Variants in SYN3 observed in about 807,000 individuals in gnomAD.
SYN3 encodes synapsin-3.
Under a neutral mutation model 65.8 loss-of-function variants are expected in SYN3, and 35 were observed. That is an observed-to-expected ratio of 0.53 (90% CI 0.41 to 0.70). The LOEUF (loss-of-function observed/expected upper bound fraction) is 0.70. SYN3 is among the 30% of genes least tolerant of loss of function. The pLI is 0.00. For synonymous variants in SYN3, 270 were observed against 292.9 expected (o/e 0.92, Z 0.80); for missense variants, 680 against 749.0 (o/e 0.91, Z 1.08).
At chr22:32,857,279 G>A (rs781591808) in intron 6 of SYN3, 2 of 1,613,998 alleles carry the variant, frequency 1.2e-6, no homozygotes, top group East Asian at 4.5e-5. Context: ...GATGCCCCAT[G>A]TGCAGTACAT....
chr22:32,606,282 G>A (rs1261643645), intron 6 of SYN3, among the ~76,000 whole-genome samples: 1 of 152,204 alleles, frequency 6.6e-6, no homozygotes, highest in African/African-American at 2.4e-5. Flanking sequence ...TGACAGAAAT[G>A]GGGCAGCCCG....
At chr22:32,913,272 C>T (rs1601682088) in intron 4 of SYN3, among the ~76,000 whole-genome samples, 2 of 151,778 alleles carry the variant, frequency 1.3e-5, no homozygotes, top group South Asian at 2.1e-4. Flanking sequence ...ACCATTCATT[C>T]CCACTCCTCC....
At chr22:32,930,808 T>A (rs1023237522) in intron 4 of SYN3, among the ~76,000 whole-genome samples, 2 of 152,192 alleles carry the variant, frequency 1.3e-5, no homozygotes, top group East Asian at 3.9e-4. Context: ...TACATTCTTG[T>A]CATTTTTGGC....
rs142785072 is a variant in SYN3 at position 32,983,997 on chromosome 22, A to T, written c.312-3295T>A. On this transcript the variant is annotated intron_variant, in intron 2 of 13. Transcript: ENST00000358763. ...ACATAGTGAAACCCCATCTCTACTA[A>T]AAATACAAACAATTAGCCAGGAGTG... Among the ~76,000 whole-genome samples, 867 of 151,974 alleles carry T rather than the reference A, an allele frequency of 5.7e-3. 7 individuals are homozygous for T. The highest frequency in any genetic ancestry group is 0.02 in the African/African-American group (811 of 41,440).
chr22:32,681,663 T>G (rs565537037), intron 6 of SYN3, among the ~76,000 whole-genome samples: 1 of 152,308 alleles, frequency 6.6e-6, no homozygotes, highest in South Asian at 2.1e-4. Flanking sequence ...TTCACAATAG[T>G]ACCTCACTTT....
chr22:32,758,091 T>C (rs1387252839), intron 6 of SYN3, among the ~76,000 whole-genome samples: 2 of 152,252 alleles, frequency 1.3e-5, no homozygotes, highest in Non-Finnish European at 2.9e-5. Flanking sequence ...CCTTTTCCTT[T>C]ATCATGCCAC....
intron 3 of SYN3, among the ~76,000 whole-genome samples, chr22:32,967,112 GC>G (rs577104249): frequency 4.1e-4 from 62 of 152,212 alleles, no homozygotes; most frequent in African/African-American, 1.4e-3. Flanking sequence ...CATATGAAAT[GC>G]TTAGCGTGTG....
At chr22:32,785,151 A>C (rs1469839956) in intron 6 of SYN3, among the ~76,000 whole-genome samples, 1 of 151,338 alleles carries the variant, frequency 6.6e-6, no homozygotes, top group East Asian at 1.9e-4. Flanking sequence ...GGAGGGGATG[A>C]GAGGGGTCAG....
Position 32,944,442 on chromosome 22 carries a change from C to G in SYN3, c.370-12961G>C, listed in dbSNP as rs183363013. Among the ~76,000 whole-genome samples, 333 of 152,236 alleles carry G rather than the reference C, an allele frequency of 2.2e-3. 4 individuals are homozygous for G. Among genetic ancestry groups the G allele is most frequent in the Non-Finnish European group, 3.0e-3 (205 of 68,012 alleles). On this transcript the variant is annotated intron_variant, in intron 3 of 13. Transcript: ENST00000358763. ...ATATAAACAGAACCAAAGACAAAAA[C>G]CACATGATTATCTCAATAGATGCAG...
rs201953339 is a variant in SYN3, at chr22:32,580,621, G to GA, written c.774+16052dup. ...AATAAGGGGGAGCTACTGTAGTCGG[G>GA]AAAAAAAATCAAAGAACAATATTAT... is the stretch of plus-strand genomic sequence containing the variant. On this transcript the variant is annotated intron_variant, in intron 7 of 13. Transcript: ENST00000358763. Among the ~76,000 whole-genome samples, 727 of 151,712 alleles carry GA rather than the reference G, an allele frequency of 4.8e-3. 5 individuals carry two copies. The highest frequency in any genetic ancestry group is 0.016 in the African/African-American group (682 of 41,346).
rs138513692 is a variant in SYN3, at chr22:33,046,938, C to G, written c.-163+11354G>C. 7.2e-3 allele frequency among the ~76,000 whole-genome samples: 1,088 copies of G among 151,388 alleles called. 4 individuals carry two copies. The highest frequency in any genetic ancestry group is 0.012 in the South Asian group (57 of 4,746). On this transcript the variant is annotated intron_variant, in intron 1 of 13. Coordinates refer to ENST00000358763, the MANE Select transcript of SYN3 (RefSeq NM_003490.4). ...TTGGGAACCTCTCTGAAGACATCTT[C>G]TCCAACTCTCCCTTCCCCCACCTCT...
intron 1 of SYN3, among the ~76,000 whole-genome samples, chr22:33,020,260 G>T (rs771643619): frequency 1.3e-5 from 2 of 152,188 alleles, no homozygotes; most frequent in Non-Finnish European, 2.9e-5. Flanking sequence ...AGAAAGTGGT[G>T]AGGTTTATTT....
intron 1 of SYN3, among the ~76,000 whole-genome samples, chr22:33,016,997 G>T (rs1191297847): frequency 6.6e-6 from 1 of 152,142 alleles, no homozygotes; most frequent in Non-Finnish European, 1.5e-5. Flanking sequence ...CAATGTCATG[G>T]AATTTTCCCC....
At chr22:32,674,869 C>T (rs1453875712) in intron 6 of SYN3, among the ~76,000 whole-genome samples, 1 of 152,190 alleles carries the variant, frequency 6.6e-6, no homozygotes, top group African/African-American at 2.4e-5. Flanking sequence ...CCAAAACTTG[C>T]AGGCGCTTTA....
At chr22:33,020,072 T>G (rs1021356116) in intron 1 of SYN3, among the ~76,000 whole-genome samples, 1 of 152,108 alleles carries the variant, frequency 6.6e-6, no homozygotes. Context: ...ACTTCAACCA[T>G]CCCTGAGAGT....
chr22:32,593,300 A>T lies in SYN3; in HGVS notation c.774+3374T>A, dbSNP rs545517659. Reference sequence around the variant, plus strand: ...TGCACCCTCCTTTCCATGTTTTGGGAGGCCCTTCTGGACCTGAGTTTCTCA... The same window carrying T: ...TGCACCCTCCTTTCCATGTTTTGGGTGGCCCTTCTGGACCTGAGTTTCTCA... On this transcript the variant is annotated intron_variant, in intron 7 of 13. Transcript: ENST00000358763. Among the ~76,000 whole-genome samples the T allele has an allele frequency of 6.7e-4, 99 of 148,348 alleles. 1 individual carries two copies. Among genetic ancestry groups the T allele is most frequent in the Non-Finnish European group, 1.2e-3 (83 of 67,544 alleles).
At chr22:32,935,642 G>T (rs1016089558) in intron 3 of SYN3, among the ~76,000 whole-genome samples, 2 of 152,070 alleles carry the variant, frequency 1.3e-5, no homozygotes, top group African/African-American at 4.8e-5. Context: ...GTAGAGACAG[G>T]GTTTCACCAT....
At chr22:32,590,213 A>G (rs2059109537) in intron 7 of SYN3, among the ~76,000 whole-genome samples, 1 of 152,190 alleles carries the variant, frequency 6.6e-6, no homozygotes, top group African/African-American at 2.4e-5. Context: ...CTTTTCTTAG[A>G]AGTTCTATCA....
At position 32,518,527 on chromosome 22, in the gene SYN3, GC is replaced by G. The variant is rs1056097420; in HGVS notation, c.1319-194del. On this transcript the variant is annotated intron_variant, in intron 12 of 13. Coordinates refer to ENST00000358763, the MANE Select transcript of SYN3 (RefSeq NM_003490.4). ...AAGATACATCTGTATAATGGAATAT[GC>G]TGTGGTCATCACATAGGATGTGGCT... The G allele has an allele frequency of 1.1e-5, 8 of 742,156 alleles. No homozygotes were observed. In the African/African-American group the frequency reaches 1.2e-4, roughly 11 times the overall value. The allele number at this position is 742,156 out of a possible 1,614,324, so 46.0% of individuals were successfully genotyped here. A position where few individuals can be genotyped will look rare whatever the true frequency, so the allele number is the denominator to read the frequency against.
Sources: gnomAD v4.1 joint callset for allele counts (sites outside exome capture counted in the v4.1 genomes callset) on GRCh38, gnomAD v4.1.1 for gene constraint, MANE v1.5 for transcripts, NCBI Gene and HGNC (gene_info 2026-07-23, HGNC 2026-07-21) for gene names.